ZFHX3: variants seen among roughly 807,000 people sequenced by gnomAD.
The protein encoded by ZFHX3 is zinc finger homeobox 3.
In ZFHX3, 42 loss-of-function variants were observed where a neutral mutation model predicts 279.1. The observed-to-expected ratio is 0.15, with a 90% CI of 0.12 to 0.19. The LOEUF is 0.19. ZFHX3 is among the 10% of genes least tolerant of loss of function. The pLI is 1.00. For missense variants in ZFHX3, 4,981 were observed against 4,754.0 expected (o/e 1.05, Z -1.40); for synonymous variants, 2,293 against 1,957.8 (o/e 1.17, Z -4.52).
At chr16:72,973,067 A>T (rs1962177623) in intron 1 of ZFHX3, among the ~76,000 whole-genome samples, 2 of 152,172 alleles carry the variant, frequency 1.3e-5, no homozygotes, top group East Asian at 3.9e-4. Context: ...CCAAAGCAAA[A>T]ATGTCCATTC....
At chr16:72,831,580 T>C (rs965178402) in intron 4 of ZFHX3, among the ~76,000 whole-genome samples, 20 of 152,300 alleles carry the variant, frequency 1.3e-4, no homozygotes, top group African/African-American at 4.3e-4. Flanking sequence ...TAAACATGTA[T>C]AGGTGTCAGT....
intron 3 of ZFHX3, among the ~76,000 whole-genome samples, chr16:73,355,722 C>T (rs564745509): frequency 1.4e-4 from 22 of 152,334 alleles, no homozygotes; most frequent in Admixed American, 3.9e-4. Flanking sequence ...TTAATATCTG[C>T]GTGACCTTGG....
chr16:72,822,064 A>G (rs923858134), intron 5 of ZFHX3: 6 of 152,248 alleles, frequency 3.9e-5, no homozygotes, highest in Non-Finnish European at 7.3e-5. Context: ...AAACAATCCT[A>G]TTAACCCATG....
At chr16:73,601,442 C>G (rs908080934) in intron 2 of ZFHX3, among the ~76,000 whole-genome samples, 1 of 149,558 alleles carries the variant, frequency 6.7e-6, no homozygotes, top group Non-Finnish European at 1.5e-5. Flanking sequence ...TGCACTCCAG[C>G]CTGGGCGACA....
intron 4 of ZFHX3, among the ~76,000 whole-genome samples, chr16:73,301,610 C>T (rs2015057538): frequency 6.6e-6 from 1 of 152,184 alleles, no homozygotes; most frequent in South Asian, 2.1e-4. Context: ...CTGGCCTAGA[C>T]AGTCCTAGAG....
At chr16:73,660,622 A>T (rs2052771976) in intron 2 of ZFHX3, among the ~76,000 whole-genome samples, 1 of 152,190 alleles carries the variant, frequency 6.6e-6, no homozygotes, top group Admixed American at 6.5e-5. Context: ...TATATGGCTC[A>T]TAAGGGATAC....
intron 3 of ZFHX3, among the ~76,000 whole-genome samples, chr16:72,926,819 T>C (rs373972814): frequency 1.3e-5 from 2 of 152,320 alleles, no homozygotes; most frequent in South Asian, 2.1e-4. Flanking sequence ...TCTGGGTCTA[T>C]CCTGGCCAAC....
intron 3 of ZFHX3, among the ~76,000 whole-genome samples, chr16:72,938,504 G>C (rs1171693875): frequency 3.9e-5 from 6 of 152,246 alleles, no homozygotes; most frequent in Admixed American, 1.3e-4. Flanking sequence ...GAATGTGTTT[G>C]CGGGAGGCAG....
At chr16:72,968,296 C>A (rs921602425) in intron 1 of ZFHX3, among the ~76,000 whole-genome samples, 1 of 152,138 alleles carries the variant, frequency 6.6e-6, no homozygotes, top group African/African-American at 2.4e-5. Context: ...GAAAGACAGA[C>A]TGAAGAACTG....
intron 2 of ZFHX3, among the ~76,000 whole-genome samples, chr16:73,481,619 T>C (rs2018869132): frequency 6.8e-6 from 1 of 146,146 alleles, no homozygotes; most frequent in Non-Finnish European, 1.5e-5. Flanking sequence ...TGGTGTTGTT[T>C]TTTTGTTGTT....
At chr16:72,993,391 C>G (rs557939446) in intron 1 of ZFHX3, among the ~76,000 whole-genome samples, 22 of 152,336 alleles carry the variant, frequency 1.4e-4, no homozygotes, top group African/African-American at 5.3e-4. Context: ...ACAGGCCCCC[C>G]TACCGTTAGC....
At chr16:73,710,520 T>C (rs2467442) in intron 1 of ZFHX3, among the ~76,000 whole-genome samples, 127,468 of 152,078 alleles carry the variant, frequency 0.84, 54,726 homozygotes, top group Non-Finnish European at 0.93. Flanking sequence ...CGGGGAGAGG[T>C]TGCACCGCTT....
At chr16:73,258,108 C>A (rs922053900) in intron 4 of ZFHX3, among the ~76,000 whole-genome samples, 22 of 152,070 alleles carry the variant, frequency 1.4e-4, no homozygotes, top group African/African-American at 4.3e-4. Flanking sequence ...TTTTTAAGCA[C>A]CTTTTAGGGG....
At chr16:73,410,042 T>C (rs1157445398) in intron 3 of ZFHX3, among the ~76,000 whole-genome samples, 4 of 152,040 alleles carry the variant, frequency 2.6e-5, no homozygotes, top group Admixed American at 2.6e-4. Context: ...AAAAATGTAG[T>C]TAGATAGAAT....
intron 1 of ZFHX3, among the ~76,000 whole-genome samples, chr16:73,705,606 T>C (rs966837199): frequency 6.6e-6 from 1 of 152,188 alleles, no homozygotes; most frequent in Non-Finnish European, 1.5e-5. Flanking sequence ...ACTGAGTCCT[T>C]AGCTAGACAT....
intron 4 of ZFHX3, among the ~76,000 whole-genome samples, chr16:73,292,675 A>ATGTG (rs141189867): frequency 1.3e-5 from 2 of 151,294 alleles, no homozygotes; most frequent in South Asian, 2.1e-4. Flanking sequence ...CTACTGTGTG[A>ATGTG]TGTGTGTGTG....
chr16:73,197,596 A>G (rs1319459084), intron 5 of ZFHX3, among the ~76,000 whole-genome samples: 1 of 152,204 alleles, frequency 6.6e-6, no homozygotes, highest in Non-Finnish European at 1.5e-5. Flanking sequence ...TATTTCAGAG[A>G]AAAGTATTTT....
chr16:72,799,308 C>A (rs1039405469), intron 8 of ZFHX3, among the ~76,000 whole-genome samples: 1 of 152,236 alleles, frequency 6.6e-6, no homozygotes, highest in East Asian at 1.9e-4. Flanking sequence ...TTCAAGTGTT[C>A]AATTATTTAA....
rs34914604 is a variant in ZFHX3 at position 73,883,399 on chromosome 16, ATGTGTGTGTG to A, written c.-1608+8242_-1608+8251del. ...ACACAGTAGCACATAAGCCATATATATGTGTGTGTGTGTGTGTGTGTGTGTGTGTATATGA... is the reference window on the plus strand; with the variant it reads ...ACACAGTAGCACATAAGCCATATATATGTGTGTGTGTGTGTGTGTATATGA... On this transcript the variant is annotated intron_variant, in intron 1 of 17. Transcript: ENST00000641206. Among the ~76,000 whole-genome samples, 1,256 of 149,172 alleles carry A rather than the reference ATGTGTGTGTG, an allele frequency of 8.4e-3. 15 individuals carry two copies. The highest frequency in any genetic ancestry group is 0.029 in the African/African-American group (1,165 of 40,446).
Sources: allele counts gnomAD v4.1 joint callset (sites outside exome capture counted in the v4.1 genomes callset), GRCh38; gene constraint gnomAD v4.1.1; transcripts MANE v1.5; gene names NCBI Gene and HGNC (gene_info 2026-07-23, HGNC 2026-07-21).